Variants in KANSL1L observed in about 807,000 individuals in gnomAD.
The protein encoded by KANSL1L is KAT8 regulatory NSL complex subunit 1-like protein.
In KANSL1L, 25 loss-of-function variants were observed where a neutral mutation model predicts 108.6. That is an observed-to-expected ratio of 0.23 (90% CI 0.17 to 0.32). KANSL1L has a LOEUF of 0.32. Ranked by LOEUF, KANSL1L falls within the 10% of genes least tolerant of loss-of-function variation. The pLI, the probability that KANSL1L is intolerant of heterozygous loss-of-function variation, is 1.00. For missense variants in KANSL1L, 1,137 were observed against 1,125.7 expected, an observed-to-expected ratio of 1.01 and a Z score of -0.14; for synonymous variants, 405 against 395.1, an observed-to-expected ratio of 1.03 and a Z score of -0.30.
At chr2:210,042,949 C>T (rs775887040) in intron 7 of KANSL1L, among the ~76,000 whole-genome samples, 6 of 151,996 alleles carry the variant, frequency 3.9e-5, no homozygotes, top group Non-Finnish European at 7.4e-5. Flanking sequence ...ACCATCAGAA[C>T]CATAAGCGGA....
In KANSL1L at chr2:210,058,769, G is replaced by A. The variant is rs182589548; in HGVS notation, c.1756-14665C>T. 3.5e-4 allele frequency among the ~76,000 whole-genome samples: 53 copies of A among 150,240 alleles called. No homozygotes were observed. The East Asian group carries it at 8.9e-3, about 25-fold the overall frequency. ...GGAGAATGGTGTGAACCCGGGAGGC[G>A]CAATTTGCAGTGAGCTGAGATCGCG... is the stretch of plus-strand genomic sequence containing the variant. On this transcript the variant is annotated intron_variant, in intron 6 of 14. Coordinates refer to ENST00000281772, the MANE Select transcript of KANSL1L (RefSeq NM_152519.4).
intron 2 of KANSL1L, among the ~76,000 whole-genome samples, chr2:210,129,661 CTAAT>C (rs373794223): frequency 9.9e-5 from 15 of 152,014 alleles, no homozygotes; most frequent in African/African-American, 3.1e-4. Flanking sequence ...TCGTTATTAG[CTAAT>C]TATTTAAATC....
chr2:210,050,538 G>T (rs1185607648), intron 6 of KANSL1L, among the ~76,000 whole-genome samples: 1 of 151,926 alleles, frequency 6.6e-6, no homozygotes, highest in Non-Finnish European at 1.5e-5. Context: ...TCCCTTATCT[G>T]CAGGGGATAC....
intron 5 of KANSL1L, among the ~76,000 whole-genome samples, chr2:210,084,773 C>T (rs1366857201): frequency 1.3e-5 from 2 of 151,974 alleles, no homozygotes; most frequent in Admixed American, 6.6e-5. Context: ...GCCACCACGC[C>T]GAGGTAATTT....
intron 7 of KANSL1L, among the ~76,000 whole-genome samples, chr2:210,043,179 A>C (rs2094185700): frequency 6.6e-6 from 1 of 152,082 alleles, no homozygotes; most frequent in Non-Finnish European, 1.5e-5. Flanking sequence ...TGAGGCTAGA[A>C]GTTCAAGACC....
intron 8 of KANSL1L, among the ~76,000 whole-genome samples, chr2:210,033,480 TCTC>T (rs1484622784): frequency 6.6e-6 from 1 of 152,194 alleles, no homozygotes; most frequent in African/African-American, 2.4e-5. Flanking sequence ...TACAAGCAAT[TCTC>T]CACTCTTCTG....
Position 210,108,715 on chromosome 2 carries a change from C to T in KANSL1L, c.1231-4414G>A, listed in dbSNP as rs192649764. Among the ~76,000 whole-genome samples, 5 of 152,232 alleles carry T rather than the reference C, an allele frequency of 3.3e-5. No homozygotes were observed. In the East Asian group the frequency reaches 7.7e-4, roughly 24 times the overall value. ...CGACTGGGTAATTGTAAACTGAAGG[C>T]TCCTGTAAAGATAACAGTGAACAAT... On this transcript the variant is annotated intron_variant, in intron 3 of 14. Transcript: ENST00000281772.
At chr2:210,135,784 T>C (rs1006737884) in intron 2 of KANSL1L, among the ~76,000 whole-genome samples, 1 of 152,292 alleles carries the variant, frequency 6.6e-6, no homozygotes, top group East Asian at 1.9e-4. Context: ...GCTTAACATA[T>C]ACCTTAAATA....
rs191162550 is a variant in KANSL1L, at chr2:210,074,007, A to C, written c.1755+1545T>G. 4.2e-3 allele frequency among the ~76,000 whole-genome samples: 642 copies of C among 152,358 alleles called. 1 individual carries two copies. The highest frequency in any genetic ancestry group is 6.8e-3 in the Non-Finnish European group (464 of 68,032). On this transcript the variant is annotated intron_variant, in intron 6 of 14. Coordinates refer to ENST00000281772, the MANE Select transcript of KANSL1L (RefSeq NM_152519.4). ...TTTCTGAAAAGTCAGAAAAGAAATG[A>C]TTATAAAATAGTATAATAAATTCCA...
At chr2:210,046,023 G>A (rs550486530) in intron 6 of KANSL1L, among the ~76,000 whole-genome samples, 1 of 152,160 alleles carries the variant, frequency 6.6e-6, no homozygotes, top group Admixed American at 6.5e-5. Context: ...AGTGCTGGCA[G>A]ATTTAGTGTC....
chr2:210,166,130 AGG>A (rs1687944052), intron 1 of KANSL1L, among the ~76,000 whole-genome samples: 1 of 152,162 alleles, frequency 6.6e-6, no homozygotes, highest in Non-Finnish European at 1.5e-5. Flanking sequence ...TACAAATAAA[AGG>A]TCTTGCCCTG....
chr2:210,036,000 G>GT (rs2094097649), intron 8 of KANSL1L, among the ~76,000 whole-genome samples: 1 of 152,132 alleles, frequency 6.6e-6, no homozygotes, highest in South Asian at 2.1e-4. Context: ...ACATTTTAAA[G>GT]TTTGAGAAGC....
intron 7 of KANSL1L, among the ~76,000 whole-genome samples, chr2:210,042,987 TC>T (rs1490559324): frequency 5.9e-5 from 9 of 152,062 alleles, no homozygotes; most frequent in Non-Finnish European, 1.3e-4. Context: ...AGTTGAGATA[TC>T]CCCCAGTAAA....
intron 5 of KANSL1L, among the ~76,000 whole-genome samples, chr2:210,082,626 T>G (rs2094599188): frequency 6.6e-6 from 1 of 152,224 alleles, no homozygotes; most frequent in Non-Finnish European, 1.5e-5. Context: ...ATGGTGCATA[T>G]GTCCTGCCCT....
intron 6 of KANSL1L, among the ~76,000 whole-genome samples, chr2:210,056,806 T>C (rs2094356324): frequency 6.6e-6 from 1 of 152,140 alleles, no homozygotes; most frequent in African/African-American, 2.4e-5. Flanking sequence ...AAATGTATTT[T>C]CTTATTTAAT....
intron 1 of KANSL1L, among the ~76,000 whole-genome samples, chr2:210,159,760 G>T (rs895534700): frequency 6.6e-6 from 1 of 152,142 alleles, no homozygotes; most frequent in Non-Finnish European, 1.5e-5. Flanking sequence ...CAACATTAAA[G>T]AAAACAACAG....
At chr2:210,069,727 T>A (rs2094492544) in intron 6 of KANSL1L, among the ~76,000 whole-genome samples, 2 of 151,620 alleles carry the variant, frequency 1.3e-5, no homozygotes, top group Admixed American at 6.6e-5. Context: ...AAATTAAATT[T>A]AAATTTTACT....
At chr2:210,062,474 T>C (rs571492648) in intron 6 of KANSL1L, among the ~76,000 whole-genome samples, 2 of 152,102 alleles carry the variant, frequency 1.3e-5, no homozygotes, top group South Asian at 2.1e-4. Flanking sequence ...AACTGGGAGG[T>C]TGGAACAGCT....
intron 5 of KANSL1L, among the ~76,000 whole-genome samples, chr2:210,079,648 A>ATATATGTATGTATGTG (rs1164689592): frequency 6.6e-5 from 1 of 15,220 alleles, no homozygotes; most frequent in Non-Finnish European, 1.2e-4. Flanking sequence ...ATATATATAT[A>ATATATGTATGTATGTG]TATATATATA....
Sources: gnomAD v4.1 joint callset for allele counts (sites outside exome capture counted in the v4.1 genomes callset) on GRCh38, gnomAD v4.1.1 for gene constraint, MANE v1.5 for transcripts, NCBI Gene and HGNC (gene_info 2026-07-23, HGNC 2026-07-21) for gene names.